TTC7B: variants seen among roughly 807,000 people sequenced by gnomAD.
The protein encoded by TTC7B is tetratricopeptide repeat protein 7B.
In TTC7B, 28 loss-of-function variants were observed where a neutral mutation model predicts 106.8. The observed-to-expected ratio is 0.26, with a 90% confidence interval of 0.19 to 0.36. The LOEUF is 0.36. TTC7B is among the 10% of genes least tolerant of loss of function. The pLI is 1.00. For synonymous variants in TTC7B, 405 were observed against 430.6 expected, an observed-to-expected ratio of 0.94 and a Z score of 0.74; for missense variants, 862 against 1,076.4, an observed-to-expected ratio of 0.80 and a Z score of 2.79.
At position 90,540,355 on chromosome 14, in the gene TTC7B, GA is replaced by G. The variant is rs1889531850; in HGVS notation, c.*1012del. On this transcript the variant is annotated 3_prime_UTR_variant, in exon 20 of 20. Transcript: ENST00000328459. ...AGGTGGGAGGATCACCTGAACCTGGGAAGTCGAGGCTGCAGTGATCTGTGAT... is the reference window on the plus strand; with the variant it reads ...AGGTGGGAGGATCACCTGAACCTGGGAGTCGAGGCTGCAGTGATCTGTGAT... 6.6e-6 allele frequency: 1 copy of G among 152,228 alleles called. No individual in the cohort carries two copies. The allele number at this position is 152,228 out of a possible 1,614,324, so 9.4% of individuals were successfully genotyped here.
rs185311370 is a variant in TTC7B, at chr14:90,752,067, C to T, written c.446-7145G>A. On this transcript the variant is annotated intron_variant, in intron 3 of 19. Coordinates refer to ENST00000328459, the MANE Select transcript of TTC7B (RefSeq NM_001010854.2). ...GCCAGCAGACCAATGGGACATCACA[C>T]GGGGAGGGGTGCTGGGCAGCTAGCT... Among the ~76,000 whole-genome samples the T allele has an allele frequency of 4.0e-3, 616 of 152,268 alleles. 1 individual carries two copies. Among genetic ancestry groups the T allele is most frequent in the Non-Finnish European group, 7.3e-3 (499 of 68,010 alleles).
intron 5 of TTC7B, among the ~76,000 whole-genome samples, chr14:90,708,843 AAAAC>A (rs1190039580): frequency 2.1e-4 from 32 of 152,158 alleles, no homozygotes; most frequent in Non-Finnish European, 3.7e-4. Context: ...TTACAAGAAA[AAAAC>A]AAACAACCCC....
intron 13 of TTC7B, 29 bp downstream of exon 13, chr14:90,652,812 G>A (rs759885367): frequency 1.2e-6 from 2 of 1,612,738 alleles, no homozygotes; most frequent in East Asian, 2.2e-5. Flanking sequence ...ATTATGTACA[G>A]CCGAGTGAAA....
chr14:90,798,644 A>T (rs2030029322), intron 1 of TTC7B, among the ~76,000 whole-genome samples: 1 of 131,120 alleles, frequency 7.6e-6, no homozygotes, highest in African/African-American at 2.8e-5. Flanking sequence ...TGGGAGGCAG[A>T]GGTTGCAATG....
chr14:90,660,207 G>A (rs1886131863), intron 9 of TTC7B, among the ~76,000 whole-genome samples: 1 of 151,550 alleles, frequency 6.6e-6, no homozygotes, highest in South Asian at 2.1e-4. Flanking sequence ...AACATAGCGA[G>A]ACCCCTGTCT....
intron 3 of TTC7B, among the ~76,000 whole-genome samples, chr14:90,749,484 C>T (rs948359979): frequency 3.3e-5 from 5 of 149,292 alleles, no homozygotes; most frequent in South Asian, 4.2e-4. Context: ...CAGCTCACTG[C>T]AACCTCCACC....
chr14:90,770,055 C>G (rs938857499), intron 3 of TTC7B, among the ~76,000 whole-genome samples: 10 of 152,156 alleles, frequency 6.6e-5, no homozygotes, highest in Admixed American at 5.2e-4. Flanking sequence ...GAGGCTGAAG[C>G]AGGAGATCTC....
chr14:90,572,858 CT>C (rs1891085336), intron 19 of TTC7B, among the ~76,000 whole-genome samples: 2 of 152,296 alleles, frequency 1.3e-5, no homozygotes, highest in South Asian at 4.1e-4. Context: ...CCATGCTCCA[CT>C]CCACTCCCAA....
At chr14:90,627,097 T>A (rs1429639423) in intron 15 of TTC7B, among the ~76,000 whole-genome samples, 1 of 152,088 alleles carries the variant, frequency 6.6e-6, no homozygotes, top group Non-Finnish European at 1.5e-5. Flanking sequence ...TCCTCCCGTC[T>A]CAGCCTCCTG....
chr14:90,572,222 G>C (rs1891063072), intron 19 of TTC7B, among the ~76,000 whole-genome samples: 1 of 152,176 alleles, frequency 6.6e-6, no homozygotes, highest in Non-Finnish European at 1.5e-5. Flanking sequence ...CAGCAAACAA[G>C]CATGTAAACT....
At chr14:90,775,557 G>A (rs1443202646) in intron 3 of TTC7B, among the ~76,000 whole-genome samples, 4 of 151,988 alleles carry the variant, frequency 2.6e-5, no homozygotes, top group East Asian at 1.9e-4. Flanking sequence ...TCTGTAAACC[G>A]CCCGACATGG....
At chr14:90,581,941 C>T (rs1479568828) in intron 18 of TTC7B, among the ~76,000 whole-genome samples, 3 of 152,088 alleles carry the variant, frequency 2.0e-5, no homozygotes, top group African/African-American at 7.2e-5. Context: ...AGAATCCAGC[C>T]CCCATGGCAC....
intron 15 of TTC7B, among the ~76,000 whole-genome samples, chr14:90,638,553 AT>A (rs1014948489): frequency 1.3e-5 from 2 of 152,226 alleles, no homozygotes; most frequent in Non-Finnish European, 2.9e-5. Flanking sequence ...CAAAATATTT[AT>A]TAAAAAATTA....
intron 5 of TTC7B, among the ~76,000 whole-genome samples, chr14:90,719,576 G>A (rs1047432682): frequency 3.3e-5 from 5 of 152,166 alleles, no homozygotes; most frequent in Admixed American, 1.3e-4. Flanking sequence ...TACCCAATGT[G>A]AGTCTCATTC....
At chr14:90,724,217 T>C (rs1471035545) in intron 5 of TTC7B, among the ~76,000 whole-genome samples, 1 of 152,210 alleles carries the variant, frequency 6.6e-6, no homozygotes, top group African/African-American at 2.4e-5. Flanking sequence ...CAACCTTGAC[T>C]TCCCCAGTGA....
At chr14:90,569,945 C>G (rs1890964497) in intron 19 of TTC7B, 1 of 152,242 alleles carries the variant, frequency 6.6e-6, no homozygotes, top group Non-Finnish European at 1.5e-5. Context: ...ACGCCCATGC[C>G]TTCCAAATGG....
At chr14:90,697,348 G>C (rs562538500) in intron 5 of TTC7B, 1 of 147,070 alleles carries the variant, frequency 6.8e-6, no homozygotes, top group African/African-American at 2.7e-5. Flanking sequence ...AATCTGGTCC[G>C]TTATGACACA....
intron 18 of TTC7B, among the ~76,000 whole-genome samples, chr14:90,589,122 G>C (rs573297958): frequency 2.0e-5 from 3 of 152,328 alleles, no homozygotes; most frequent in Non-Finnish European, 4.4e-5. Flanking sequence ...TGAGAAAGTG[G>C]ACGTTAGCAC....
At chr14:90,607,123 G>T (rs1892673693) in intron 17 of TTC7B, among the ~76,000 whole-genome samples, 1 of 152,116 alleles carries the variant, frequency 6.6e-6, no homozygotes, top group Non-Finnish European at 1.5e-5. Flanking sequence ...GGGAATATTA[G>T]TATCTCTGTT....
Sources: gnomAD v4.1 joint callset for allele counts (sites outside exome capture counted in the v4.1 genomes callset) on GRCh38, gnomAD v4.1.1 for gene constraint, MANE v1.5 for transcripts, NCBI Gene and HGNC (gene_info 2026-07-23, HGNC 2026-07-21) for gene names.